DNAH12: variants seen among roughly 807,000 people sequenced by gnomAD.
DNAH12 encodes the protein dynein axonemal heavy chain 12, also known as axonemal beta dynein heavy chain 12.
Under a neutral mutation model 371.5 loss-of-function variants are expected in DNAH12, and 285 were observed. That is an observed-to-expected ratio of 0.77 (90% confidence interval 0.70 to 0.85). The LOEUF (loss-of-function observed/expected upper bound fraction) is 0.85, where lower values mean the gene tolerates loss of function less well. Ranked by LOEUF, DNAH12 falls within the 40% of genes least tolerant of loss-of-function variation. The probability of loss-of-function intolerance (pLI) is 0.00; values close to 1 mark genes in which losing one functional copy is unlikely to be tolerated. For missense variants in DNAH12, 3,611 were observed against 3,689.4 expected, an observed-to-expected ratio of 0.98 and a Z score of 0.55; for synonymous variants, 1,200 against 1,213.0, an observed-to-expected ratio of 0.99 and a Z score of 0.22.
chr3:57,538,134 A>G (rs1241211186), intron 2 of DNAH12, among the ~76,000 whole-genome samples: 3 of 152,208 alleles, frequency 2.0e-5, no homozygotes, highest in Non-Finnish European at 2.9e-5. Context: ...TAATAAGGAG[A>G]AGGAAAAAAA....
intron 13 of DNAH12, among the ~76,000 whole-genome samples, chr3:57,480,537 T>C (rs112020326): frequency 0.66 from 98,839 of 148,684 alleles, 33,099 homozygotes; most frequent in South Asian, 0.75. Context: ...TTCCAATCAA[T>C]AGAAAAAGAG....
chr3:57,312,709 A>G (rs2061606041), intron 66 of DNAH12, among the ~76,000 whole-genome samples: 1 of 152,206 alleles, frequency 6.6e-6, no homozygotes, highest in Admixed American at 6.5e-5. Flanking sequence ...ATGTTCTCCA[A>G]GCTTAGGCTG....
At chr3:57,299,489 CA>C (rs1046202105) in intron 70 of DNAH12, among the ~76,000 whole-genome samples, 5 of 144,676 alleles carry the variant, frequency 3.5e-5, no homozygotes, top group African/African-American at 7.9e-5. Context: ...AGGCAGTGTG[CA>C]AAAAGTTTTT....
chr3:57,391,249 A>G (rs1450399722), intron 45 of DNAH12, among the ~76,000 whole-genome samples: 1 of 152,152 alleles, frequency 6.6e-6, no homozygotes, highest in East Asian at 1.9e-4. Flanking sequence ...GCTGCATCCA[A>G]TTGTCCTTGT....
intron 25 of DNAH12, among the ~76,000 whole-genome samples, chr3:57,447,499 G>A (rs1444523356): frequency 1.3e-5 from 2 of 152,092 alleles, no homozygotes; most frequent in Admixed American, 6.5e-5. Context: ...GGGAATAAGT[G>A]AACTCTGCAG....
At chr3:57,438,468 C>CA (rs112197171) in intron 29 of DNAH12, among the ~76,000 whole-genome samples, 2 of 152,122 alleles carry the variant, frequency 1.3e-5, no homozygotes, top group African/African-American at 4.8e-5. Flanking sequence ...AAAAGGCATC[C>CA]AAATAGAAAA....
intron 62 of DNAH12, among the ~76,000 whole-genome samples, chr3:57,327,003 G>A (rs997635513): frequency 1.3e-5 from 2 of 152,084 alleles, no homozygotes; most frequent in Non-Finnish European, 2.9e-5. Context: ...TCAACAAGAA[G>A]AGCTAACTAT....
At position 57,387,097 on chromosome 3, in the gene DNAH12, A is replaced by T. The variant is rs1238470071; in HGVS notation, c.7428T>A (p.Asp2476Glu). 1 of 152,178 alleles carries T rather than the reference A, an allele frequency of 6.6e-6. No homozygotes were observed. Among genetic ancestry groups the T allele is most frequent in the Non-Finnish European group, 1.5e-5 (1 of 68,038 alleles). 9.4% of individuals were successfully genotyped at this position (152,178 alleles called of 1,614,324 possible). A position where few individuals can be genotyped will look rare whatever the true frequency, so the allele number is the denominator to read the frequency against. Residue 2476 changes from aspartate (D) to glutamate (E), a missense_variant, in exon 46 of 74, where the codon GAT becomes GAA. Asp to Glu is a conservative substitution (Grantham distance 45, BLOSUM62 2). Around this residue, in one of 3 missense-constraint regions of DNAH12, gnomAD observed 2,266 missense variants for 2,236.9 expected, o/e 1.01. Coordinates refer to ENST00000495027, the MANE Select transcript of DNAH12 (RefSeq NM_001366028.2). ...TCACTAATATTAACCTTTCTGAAAG[A>T]TCCATAATGGAGGTGTGAAAGTGTT... The part of the protein sequence containing the change: ...ICKHFHTSIM[D>E]LSERFLHELG...
intron 12 of DNAH12, 133 bp from the exon 13 acceptor site, chr3:57,483,644 T>C: frequency 9.2e-7 from 1 of 1,091,526 alleles, no homozygotes; most frequent in Non-Finnish European, 1.3e-6. Context: ...CACTAAGGTA[T>C]CTTAAAAATA....
At chr3:57,305,772 A>T (rs1219392283) in intron 69 of DNAH12, among the ~76,000 whole-genome samples, 4 of 152,016 alleles carry the variant, frequency 2.6e-5, no homozygotes, top group African/African-American at 9.7e-5. Context: ...CGGCCCTCAA[A>T]CCCCACAACA....
intron 66 of DNAH12, among the ~76,000 whole-genome samples, chr3:57,311,873 ATTG>A (rs1375073589): frequency 2.0e-5 from 3 of 152,164 alleles, no homozygotes; most frequent in African/African-American, 7.2e-5. Context: ...TTTCCTTATT[ATTG>A]TTGTAATAAT....
intron 11 of DNAH12, among the ~76,000 whole-genome samples, chr3:57,492,931 G>A (rs1292279214): frequency 2.0e-5 from 3 of 152,142 alleles, no homozygotes; most frequent in African/African-American, 7.2e-5. Context: ...CTTGGGCCCA[G>A]GAGGTGGAGC....
chr3:57,341,240 G>A (rs1267060469), intron 60 of DNAH12, among the ~76,000 whole-genome samples: 1 of 152,088 alleles, frequency 6.6e-6, no homozygotes, highest in Non-Finnish European at 1.5e-5. Context: ...AGTACTGAAA[G>A]TCTTAGCCAG....
intron 12 of DNAH12, 112 bp from the exon 13 acceptor site, chr3:57,483,623 A>C: frequency 1.6e-6 from 2 of 1,238,182 alleles, no homozygotes; most frequent in Non-Finnish European, 1.1e-6. Context: ...TCCTAAAAAA[A>C]TTGCTTGATT....
At chr3:57,339,982 G>A (rs2062353539) in intron 60 of DNAH12, among the ~76,000 whole-genome samples, 1 of 151,822 alleles carries the variant, frequency 6.6e-6, no homozygotes, top group Admixed American at 6.6e-5. Flanking sequence ...GATATGGGAG[G>A]ATTGCTTGAG....
chr3:57,469,534 T>C (rs922893463), intron 16 of DNAH12, among the ~76,000 whole-genome samples: 9 of 152,242 alleles, frequency 5.9e-5, no homozygotes, highest in Non-Finnish European at 1.3e-4. Flanking sequence ...TGTACTCGTC[T>C]GTTCATCACA....
intron 62 of DNAH12, among the ~76,000 whole-genome samples, chr3:57,325,464 G>T (rs1288482907): frequency 6.6e-6 from 1 of 152,224 alleles, no homozygotes; most frequent in Non-Finnish European, 1.5e-5. Flanking sequence ...GGCAAACAGG[G>T]TCTGGAGTGG....
chr3:57,519,022 A>G (rs969445781), intron 4 of DNAH12, among the ~76,000 whole-genome samples: 1 of 152,274 alleles, frequency 6.6e-6, no homozygotes, highest in Non-Finnish European at 1.5e-5. Context: ...AAGGAATGTT[A>G]GAAAGGAAAT....
In DNAH12 at chr3:57,408,304, G is replaced by T. The variant is rs983767525; in HGVS notation, c.6252C>A (p.Asn2084Lys). ...EFPPEYFVIG[N>K]QIVNGTMEIY... Reference sequence around the variant, plus strand: ...CCTCCATAGTCCCATTGACTATCTGGTTCCCAATTACAAAGTACTCTGGAG... The same window carrying T: ...CCTCCATAGTCCCATTGACTATCTGTTTCCCAATTACAAAGTACTCTGGAG... The change falls in exon 40 of 74, where the codon AAC becomes AAA. Residue 2084 changes from asparagine to lysine, a missense_variant. By Grantham distance (94) the Asn-to-Lys change is moderately conservative. Coordinates refer to ENST00000495027, the MANE Select transcript of DNAH12 (RefSeq NM_001366028.2). 3.2e-6 allele frequency: 5 copies of T among 1,550,442 alleles called. No homozygotes were observed. The African/African-American group carries it at 5.5e-5, about 17-fold the overall frequency.
Sources: allele counts gnomAD v4.1 joint callset (sites outside exome capture counted in the v4.1 genomes callset), GRCh38; gene constraint gnomAD v4.1.1; regional missense constraint gnomAD v4.1.1; transcripts MANE v1.5; gene names NCBI Gene and HGNC (gene_info 2026-07-23, HGNC 2026-07-21).